The following NELL1 variants were observed in gnomAD, a reference collection of about 807,000 sequenced individuals.
NELL1 encodes the protein neural EGFL like 1.
A neutral mutation model predicts 107.4 loss-of-function variants in NELL1; 76 were observed. The ratio of observed to expected loss-of-function variants is 0.71; its 90% CI spans 0.59 to 0.86. NELL1 has a LOEUF of 0.86. Among genes scored for constraint, NELL1 ranks in the 40% least tolerant of loss-of-function variants. The pLI is 0.00. For synonymous variants in NELL1, 353 were observed against 341.2 expected, an observed-to-expected ratio of 1.03 and a Z score of -0.38; for missense variants, 1,024 against 1,005.5, an observed-to-expected ratio of 1.02 and a Z score of -0.25.
intron 4 of NELL1, among the ~76,000 whole-genome samples, chr11:20,878,979 T>C (rs1191826751): frequency 6.6e-6 from 1 of 152,172 alleles, no homozygotes; most frequent in East Asian, 1.9e-4. Context: ...TTACTTTATA[T>C]AGGGTGCTTA....
chr11:21,501,055 G>A lies in NELL1; in HGVS notation c.1646-33319G>A, dbSNP rs74576979. ...GTGTGTTTTGTAGTACTTACTGTCT[G>A]TGAATATTATCACATAATAATATCT... On this transcript the variant is annotated intron_variant, in intron 15 of 19. Transcript: ENST00000357134. Among the ~76,000 whole-genome samples, 2,542 of 152,138 alleles carry A rather than the reference G, an allele frequency of 0.017. 195 individuals are homozygous for A. The East Asian group carries it at 0.26, about 16-fold the overall frequency.
At position 21,266,176 on chromosome 11, in the gene NELL1, G is replaced by T. The variant is rs111690078; in HGVS notation, c.1549+36722G>T. 5.9e-3 allele frequency among the ~76,000 whole-genome samples: 855 copies of T among 145,568 alleles called. 12 individuals carry two copies. The highest frequency in any genetic ancestry group is 0.019 in the African/African-American group (788 of 40,664). On this transcript the variant is annotated intron_variant, in intron 14 of 19. Coordinates refer to ENST00000357134, the MANE Select transcript of NELL1 (RefSeq NM_006157.5). ...ACCATTTAGCATGAACTGGCAGTTCGCATTCCATTTAGGTATTTTTTTTTT... is the reference window on the plus strand; with the variant it reads ...ACCATTTAGCATGAACTGGCAGTTCTCATTCCATTTAGGTATTTTTTTTTT...
At chr11:21,365,303 C>T (rs993667337) in intron 14 of NELL1, among the ~76,000 whole-genome samples, 6 of 152,152 alleles carry the variant, frequency 3.9e-5, no homozygotes, top group African/African-American at 7.2e-5. Context: ...GAGCCCTAAA[C>T]GGAGAAAGCT....
chr11:21,221,719 G>A (rs1017996357), intron 13 of NELL1, among the ~76,000 whole-genome samples: 1 of 152,106 alleles, frequency 6.6e-6, no homozygotes, highest in African/African-American at 2.4e-5. Flanking sequence ...TTCAGGCAAG[G>A]TCTCACTCTG....
chr11:20,684,837 C>T (rs1393936776), intron 2 of NELL1, among the ~76,000 whole-genome samples: 1 of 151,996 alleles, frequency 6.6e-6, no homozygotes, highest in South Asian at 2.1e-4. Flanking sequence ...GAGGCAAGAT[C>T]CTTCAGCGTA....
chr11:20,978,955 T>C (rs1481439389), intron 12 of NELL1, among the ~76,000 whole-genome samples: 2 of 152,216 alleles, frequency 1.3e-5, no homozygotes, highest in Non-Finnish European at 2.9e-5. Context: ...CTGTTTGCAG[T>C]GGCCACAGGT....
chr11:20,694,238 C>T (rs1854552972), intron 2 of NELL1, among the ~76,000 whole-genome samples: 1 of 152,058 alleles, frequency 6.6e-6, no homozygotes, highest in Non-Finnish European at 1.5e-5. Context: ...GAATTTCCTC[C>T]TGTAGCTCGG....
At chr11:21,339,021 A>T (rs1049174743) in intron 14 of NELL1, among the ~76,000 whole-genome samples, 4 of 152,202 alleles carry the variant, frequency 2.6e-5, no homozygotes, top group Middle Eastern at 3.2e-3. Context: ...ACCTAAGATC[A>T]AATAATTAAT....
intron 2 of NELL1, among the ~76,000 whole-genome samples, chr11:20,691,842 T>C (rs1854475428): frequency 6.6e-6 from 1 of 152,142 alleles, no homozygotes; most frequent in African/African-American, 2.4e-5. Flanking sequence ...TTGATTGGAA[T>C]AGTTTCAGAA....
At chr11:21,279,601 C>T (rs1036998727) in intron 14 of NELL1, among the ~76,000 whole-genome samples, 16 of 152,166 alleles carry the variant, frequency 1.1e-4, no homozygotes, top group African/African-American at 3.9e-4. Flanking sequence ...ACTAACAGCA[C>T]CAAATCCTCA....
At position 20,900,418 on chromosome 11, in the gene NELL1, A is replaced by G. The variant is rs576357909; in HGVS notation, c.603+14878A>G. 1.1e-4 allele frequency among the ~76,000 whole-genome samples: 17 copies of G among 152,290 alleles called. No individual in the cohort carries two copies. The South Asian group carries it at 1.5e-3, about 13-fold the overall frequency. ...TTGATGGGATATGCTACAAATTCAC[A>G]TTGCACAAGGTATGGACACAGTGAG... On this transcript the variant is annotated intron_variant, in intron 5 of 19. Transcript: ENST00000357134.
In NELL1 at chr11:20,739,960, G is replaced by A. The variant is rs115521420; in HGVS notation, c.185-43720G>A. 1.3e-3 allele frequency among the ~76,000 whole-genome samples: 197 copies of A among 152,196 alleles called. 1 individual carries two copies. The highest frequency in any genetic ancestry group is 4.6e-3 in the African/African-American group (191 of 41,536). Reference sequence around the variant, plus strand: ...TATACCAGGAGGAAGATTCAGAGAGGGAACTATTTATTCACTCAACAAATA... The same window carrying A: ...TATACCAGGAGGAAGATTCAGAGAGAGAACTATTTATTCACTCAACAAATA... On this transcript the variant is annotated intron_variant, in intron 2 of 19. Coordinates refer to ENST00000357134, the MANE Select transcript of NELL1 (RefSeq NM_006157.5).
At chr11:20,729,368 CT>C (rs575663887) in intron 2 of NELL1, among the ~76,000 whole-genome samples, 195 of 152,162 alleles carry the variant, frequency 1.3e-3, no homozygotes, top group African/African-American at 4.2e-3. Flanking sequence ...TGAGAGTGAG[CT>C]TTATTATCTT....
chr11:21,203,135 G>T lies in NELL1; in HGVS notation c.1427-26197G>T, dbSNP rs147238019. ...GGAGAGTTCTGTAGATGTCTTTTAG[G>T]TCCCCTTGGTCCAGAGCTGAGTTCA... On this transcript the variant is annotated intron_variant, in intron 13 of 19. Coordinates refer to ENST00000357134, the MANE Select transcript of NELL1 (RefSeq NM_006157.5). Among the ~76,000 whole-genome samples, 1,342 of 152,164 alleles carry T rather than the reference G, an allele frequency of 8.8e-3. 13 individuals are homozygous for T. The highest frequency in any genetic ancestry group is 0.027 in the South Asian group (128 of 4,818).
chr11:21,424,359 G>A (rs1590922599), intron 15 of NELL1, among the ~76,000 whole-genome samples: 1 of 152,128 alleles, frequency 6.6e-6, no homozygotes, highest in Non-Finnish European at 1.5e-5. Context: ...GGTGTCTCAC[G>A]CTTGTAATAC....
chr11:21,238,290 G>A (rs1858262071), intron 14 of NELL1, among the ~76,000 whole-genome samples: 1 of 151,758 alleles, frequency 6.6e-6, no homozygotes, highest in South Asian at 2.1e-4. Flanking sequence ...CCATAACTTT[G>A]CTTTAGTTTA....
intron 13 of NELL1, chr11:21,169,862 G>C (rs1856565208): frequency 1.4e-6 from 2 of 1,410,902 alleles, no homozygotes; most frequent in African/African-American, 2.9e-5. Context: ...CCCCCAGGAA[G>C]AGTTGCCATG....
intron 12 of NELL1, among the ~76,000 whole-genome samples, chr11:21,066,532 T>C (rs1004477554): frequency 1.3e-5 from 2 of 152,228 alleles, no homozygotes; most frequent in African/African-American, 4.8e-5. Context: ...AATTTATTTC[T>C]CTCTGTGTTC....
chr11:20,692,535 C>A (rs565469571), intron 2 of NELL1, among the ~76,000 whole-genome samples: 171 of 150,654 alleles, frequency 1.1e-3, no homozygotes, highest in African/African-American at 3.9e-3. Flanking sequence ...GCCTTCATTT[C>A]CTTATGTACC....
Sources: allele counts gnomAD v4.1 joint callset (sites outside exome capture counted in the v4.1 genomes callset), GRCh38; gene constraint gnomAD v4.1.1; transcripts MANE v1.5; gene names NCBI Gene and HGNC (gene_info 2026-07-23, HGNC 2026-07-21).